Variants in PIR observed in about 807,000 individuals in gnomAD.
PIR encodes the protein pirin (iron-binding nuclear protein).
In PIR, 22 loss-of-function variants were observed where a neutral mutation model predicts 24.2. The ratio of observed to expected loss-of-function variants is 0.91; its 90% confidence interval spans 0.65 to 1.30. The LOEUF (loss-of-function observed/expected upper bound fraction) is 1.30. Ranked by LOEUF, PIR falls within the 50% of genes most tolerant of loss-of-function variation. PIR has a pLI of 0.00. For synonymous variants in PIR, 80 were observed against 79.6 expected (o/e 1.00, Z -0.03); for missense variants, 220 against 220.3 (o/e 1.00, Z 0.01).
At chrX:15,444,684 C>A (rs1370187451) in intron 5 of PIR, among the ~76,000 whole-genome samples, 1 of 111,826 alleles carries the variant, frequency 8.9e-6, no homozygotes, top group African/African-American at 3.3e-5. Flanking sequence ...CTCAAAACTT[C>A]TTTTGGACTG....
chrX:15,418,386 A>C (rs1212500907), intron 6 of PIR, among the ~76,000 whole-genome samples: 1 of 112,376 alleles, frequency 8.9e-6, no homozygotes, highest in African/African-American at 3.2e-5. Context: ...GTTATCTGTA[A>C]ATCAGTTTAC....
Position 15,404,767 on chromosome X carries a change from C to G in PIR, c.610+2739G>C, listed in dbSNP as rs140045710. On this transcript the variant is annotated intron_variant, in intron 7 of 9. Transcript: ENST00000380420. Reference sequence around the variant, plus strand: ...TTGTTTTTCTCATTAACCGCCCCCCCATTAGGGTGTTGGTAGGAGGAAGGG... The same window carrying G: ...TTGTTTTTCTCATTAACCGCCCCCCGATTAGGGTGTTGGTAGGAGGAAGGG... 7.0e-3 allele frequency among the ~76,000 whole-genome samples: 787 copies of G among 111,827 alleles called. 8 individuals carry two copies. The highest frequency in any genetic ancestry group is 0.024 in the African/African-American group (723 of 30,764).
chrX:15,420,682 T>A (rs767777167), intron 6 of PIR, among the ~76,000 whole-genome samples: 1 of 111,015 alleles, frequency 9.0e-6, no homozygotes, highest in East Asian at 2.9e-4. Context: ...AATATCACTG[T>A]TAAAAGGAGC....
chrX:15,396,755 T>A (rs1459579168), intron 8 of PIR, among the ~76,000 whole-genome samples: 1 of 99,631 alleles, frequency 1.0e-5, no homozygotes, highest in African/African-American at 3.6e-5. Context: ...TTTTTTTTTT[T>A]TTTTGAGACG....
chrX:15,422,871 G>A (rs1353461596), intron 6 of PIR, among the ~76,000 whole-genome samples: 1 of 111,622 alleles, frequency 9.0e-6, no homozygotes, highest in African/African-American at 3.3e-5. Context: ...AAGCAATCCT[G>A]AGCAAAATGA....
chrX:15,385,272 T>C (rs746512428), intron 9 of PIR, among the ~76,000 whole-genome samples, 156 bp from the exon 10 acceptor site: 7 of 112,432 alleles, frequency 6.2e-5, no homozygotes, highest in Non-Finnish European at 1.3e-4. Flanking sequence ...CCCCAAGGAC[T>C]GTAAGATGAG....
At chrX:15,456,169 G>T in intron 4 of PIR, 115 bp from the exon 5 acceptor site, 1 of 615,482 alleles carries the variant, frequency 1.6e-6, no homozygotes, top group Non-Finnish European at 2.6e-6. Flanking sequence ...TGCTATCAGA[G>T]CCCCTGGGCA....
chrX:15,397,133 A>G (rs897670982), intron 8 of PIR, among the ~76,000 whole-genome samples: 1 of 112,513 alleles, frequency 8.9e-6, no homozygotes, highest in Admixed American at 9.4e-5. Context: ...ACTTATGCTA[A>G]AAACAAAATA....
At chrX:15,482,270 G>A (rs1015666951) in intron 2 of PIR, among the ~76,000 whole-genome samples, 1 of 111,219 alleles carries the variant, frequency 9.0e-6, no homozygotes, top group South Asian at 3.8e-4. Flanking sequence ...TTTTACAAGC[G>A]AGCATCTCTA....
chrX:15,427,280 G>A (rs1357514244), intron 5 of PIR, among the ~76,000 whole-genome samples: 12 of 111,315 alleles, frequency 1.1e-4, no homozygotes, highest in African/African-American at 3.6e-4. Context: ...TTCTTAACCT[G>A]GCTGCTGCTT....
At chrX:15,398,878 T>A (rs752225446) in intron 7 of PIR, among the ~76,000 whole-genome samples, 1 of 110,940 alleles carries the variant, frequency 9.0e-6, no homozygotes, top group East Asian at 2.8e-4. Flanking sequence ...AAGATAGGGA[T>A]GGATTTGACA....
intron 5 of PIR, among the ~76,000 whole-genome samples, chrX:15,440,898 G>T (rs1394860075): frequency 3.6e-5 from 4 of 111,604 alleles, no homozygotes; most frequent in African/African-American, 1.3e-4. Flanking sequence ...CTATGTTAAT[G>T]CTCTGAACTG....
chrX:15,421,644 T>A (rs1384780345), intron 6 of PIR, among the ~76,000 whole-genome samples: 1 of 94,943 alleles, frequency 1.1e-5, no homozygotes, highest in Non-Finnish European at 2.0e-5. Context: ...ATAGAAGCCA[T>A]AATAAGTCTC....
At chrX:15,437,995 A>C (rs1309051869) in intron 5 of PIR, among the ~76,000 whole-genome samples, 4 of 112,592 alleles carry the variant, frequency 3.6e-5, no homozygotes, top group African/African-American at 1.3e-4. Context: ...GCTTCTCATG[A>C]AACTGTCTCT....
At chrX:15,433,511 GGAAAGAAAGAAA>G (rs765522981) in intron 5 of PIR, among the ~76,000 whole-genome samples, 3 of 48,115 alleles carry the variant, frequency 6.2e-5, no homozygotes, top group Non-Finnish European at 7.4e-5. Flanking sequence ...AGGAGGAGGA[GGAAAGAAAGAAA>G]GAAAGAAAGA....
chrX:15,451,572 C>T (rs1400822239), intron 5 of PIR, among the ~76,000 whole-genome samples: 1 of 111,123 alleles, frequency 9.0e-6, no homozygotes, highest in African/African-American at 3.3e-5. Flanking sequence ...TATCTTCTTA[C>T]TACTTTACCT....
chrX:15,462,832 G>A (rs952107716), intron 3 of PIR, among the ~76,000 whole-genome samples: 1 of 112,123 alleles, frequency 8.9e-6, no homozygotes, highest in South Asian at 3.7e-4. Context: ...GAGAAGGTAA[G>A]TGCACCAACA....
chrX:15,444,514 A>G (rs1926023631), intron 5 of PIR, among the ~76,000 whole-genome samples: 1 of 111,295 alleles, frequency 9.0e-6, no homozygotes, highest in African/African-American at 3.3e-5. Context: ...TCTCTGGGGT[A>G]TGCCTGTGTT....
intron 6 of PIR, among the ~76,000 whole-genome samples, chrX:15,419,497 C>T (rs908804730): frequency 9.0e-6 from 1 of 110,539 alleles, no homozygotes; most frequent in African/African-American, 3.3e-5. Flanking sequence ...AAGAAAGGAT[C>T]TTTTGCTTCA....
Sources: allele counts gnomAD v4.1 joint callset (sites outside exome capture counted in the v4.1 genomes callset), GRCh38; gene constraint gnomAD v4.1.1; transcripts MANE v1.5; gene names NCBI Gene and HGNC (gene_info 2026-07-23, HGNC 2026-07-21).